Variants in FDFT1 observed in about 807,000 individuals in gnomAD.
The protein encoded by FDFT1 is farnesyl-diphosphate farnesyltransferase 1, also known as squalene synthase.
In FDFT1, 68 loss-of-function variants were observed where a neutral mutation model predicts 46.8. That is an observed-to-expected ratio of 1.45 (90% CI 1.19 to 1.78). The LOEUF (loss-of-function observed/expected upper bound fraction) is 1.78, where lower values mean the gene tolerates loss of function less well. FDFT1 is among the 40% of genes most tolerant of loss of function. FDFT1 has a pLI of 0.00. For synonymous variants in FDFT1, 351 were observed against 185.1 expected, an observed-to-expected ratio of 1.90 and a Z score of -7.28; for missense variants, 928 against 524.4, an observed-to-expected ratio of 1.77 and a Z score of -7.52.
chr8:11,827,797 CT>C (rs1235337707), intron 5 of FDFT1, among the ~76,000 whole-genome samples: 5 of 151,974 alleles, frequency 3.3e-5, no homozygotes, highest in Admixed American at 6.6e-5. Flanking sequence ...AATCTCAACA[CT>C]GGGAGACCAA....
chr8:11,814,754 A>C (rs1447616120), intron 3 of FDFT1, among the ~76,000 whole-genome samples: 1 of 152,210 alleles, frequency 6.6e-6, no homozygotes, highest in East Asian at 1.9e-4. Context: ...GTATAGCCTT[A>C]ATAGTGAGAG....
At chr8:11,811,380 TTTGAC>T (rs1420384864) in intron 3 of FDFT1, among the ~76,000 whole-genome samples, 2 of 152,222 alleles carry the variant, frequency 1.3e-5, no homozygotes, top group African/African-American at 4.8e-5. Flanking sequence ...CCAAATTACA[TTTGAC>T]TTGAGTGGAT....
chr8:11,806,409 A>C (rs568284503), intron 1 of FDFT1, among the ~76,000 whole-genome samples: 4 of 152,148 alleles, frequency 2.6e-5, no homozygotes, highest in Non-Finnish European at 4.4e-5. Context: ...TGGTGATTTG[A>C]AGAAACCTGT....
Position 11,803,634 on chromosome 8 carries a change from A to G in FDFT1, c.99+703A>G. ...GAAAATTATTCGTACGCGATTATTG[A>G]ATGAATAGACAAATTCAGCCAAGTT... On this transcript the variant is annotated intron_variant, in intron 1 of 7. Transcript: ENST00000220584. 3 of 509,452 alleles carry G rather than the reference A, an allele frequency of 5.9e-6. No individual in the cohort carries two copies. The South Asian group carries it at 7.3e-5, about 12-fold the overall frequency. The allele number at this position is 509,452 out of a possible 1,614,324, so 31.6% of individuals were successfully genotyped here.
In FDFT1 at chr8:11,838,811, G is replaced by C. The variant is rs753437328; in HGVS notation, c.*202G>C. ...AAAGGGTGCCTCATCCCAGCAACCTGTCCTTGTGGGTGATGATCACTGTGC... is the reference window on the plus strand; with the variant it reads ...AAAGGGTGCCTCATCCCAGCAACCTCTCCTTGTGGGTGATGATCACTGTGC... On this transcript the variant is annotated 3_prime_UTR_variant, in exon 8 of 8. Transcript: ENST00000220584. 28 of 578,036 alleles carry C rather than the reference G, an allele frequency of 4.8e-5. No individual in the cohort carries two copies. Among genetic ancestry groups the C allele is most frequent in the Non-Finnish European group, 1.2e-5 (4 of 323,066 alleles). 35.8% of individuals were successfully genotyped at this position (578,036 alleles called of 1,614,324 possible).
chr8:11,831,403 A>T, intron 6 of FDFT1, 115 bp from the exon 7 acceptor site: 4 of 837,344 alleles, frequency 4.8e-6, no homozygotes, highest in Non-Finnish European at 7.7e-6. Context: ...ATTCCATCTT[A>T]GTTGATTAGC....
chr8:11,823,686 C>G (rs143708991), intron 4 of FDFT1, among the ~76,000 whole-genome samples: 1 of 152,114 alleles, frequency 6.6e-6, no homozygotes, highest in East Asian at 1.9e-4. Context: ...TCCTTGCCCT[C>G]AGCCTCCTGA....
At chr8:11,832,513 T>G (rs985469682) in intron 7 of FDFT1, among the ~76,000 whole-genome samples, 2 of 134,148 alleles carry the variant, frequency 1.5e-5, no homozygotes, top group African/African-American at 5.5e-5. Context: ...GATTTCATCA[T>G]TGCACTCTAG....
At chr8:11,803,531 T>A (rs1028014801) in intron 1 of FDFT1, 1 of 1,190,056 alleles carries the variant, frequency 8.4e-7, no homozygotes, top group African/African-American at 1.6e-5. Context: ...CAGAACTTGG[T>A]TTTACTTAGA....
rs572243364 is a variant in FDFT1, at chr8:11,838,406, G to A, written c.1051G>A (p.Asp351Asn). The change falls in exon 8 of 8, where the codon GAC becomes AAC. Residue 351 changes from aspartate to asparagine, a missense_variant. Asp to Asn is a conservative substitution (Grantham distance 23). Transcript: ENST00000220584. ...TTAACAGATTTATCATAGAATCCCCGACTCAGACCCATCTTCTAGCAAAAC... is the reference window on the plus strand; with the variant it reads ...TTAACAGATTTATCATAGAATCCCCAACTCAGACCCATCTTCTAGCAAAAC... ...YMEEIYHRIP[D>N]SDPSSSKTRQ... is the part of the protein sequence containing the mutation. 6.8e-6 allele frequency: 11 copies of A among 1,613,542 alleles called. 1 individual carries two copies. Among genetic ancestry groups the A allele is most frequent in the African/African-American group, 2.7e-5 (2 of 74,984 alleles).
At chr8:11,834,310 G>A (rs540552198) in intron 7 of FDFT1, among the ~76,000 whole-genome samples, 1 of 152,328 alleles carries the variant, frequency 6.6e-6, no homozygotes, top group East Asian at 1.9e-4. Context: ...AACCAGCCTG[G>A]ATGCTTGTCA....
intron 1 of FDFT1, 170 bp from the exon 2 acceptor site, chr8:11,808,624 G>T (rs1001136698): frequency 7.2e-7 from 1 of 1,389,206 alleles, no homozygotes; most frequent in East Asian, 2.8e-5. Flanking sequence ...ACCGCCCCGC[G>T]GGGCTGCTGC....
At position 11,808,639 on chromosome 8, in the gene FDFT1, C is replaced by G. The variant is rs572324764; in HGVS notation, c.100-155C>G. 1.4e-5 allele frequency: 19 copies of G among 1,399,302 alleles called. No individual in the cohort carries two copies. In the Middle Eastern group the frequency reaches 5.7e-4, roughly 42 times the overall value. 86.7% of individuals were successfully genotyped at this position (1,399,302 alleles called of 1,614,324 possible). A position where few individuals can be genotyped will look rare whatever the true frequency, so the allele number is the denominator to read the frequency against. ...ACCGCCCCGCGGGGCTGCTGCTTGC[C>G]TCCTGCCGCCTGGCCCTGCAAGGAC... On this transcript the variant is annotated intron_variant, in intron 1 of 7. Coordinates refer to ENST00000220584, the MANE Select transcript of FDFT1 (RefSeq NM_004462.5).
At chr8:11,834,039 C>A (rs1478647737) in intron 7 of FDFT1, among the ~76,000 whole-genome samples, 3 of 152,252 alleles carry the variant, frequency 2.0e-5, no homozygotes, top group African/African-American at 7.2e-5. Context: ...TGGCCTCTTG[C>A]TGGTGTCCAG....
intron 3 of FDFT1, among the ~76,000 whole-genome samples, chr8:11,816,793 T>A (rs1270658712): frequency 6.6e-6 from 1 of 152,248 alleles, no homozygotes; most frequent in Non-Finnish European, 1.5e-5. Context: ...GTTTTCTAAA[T>A]ATACAATCAT....
intron 7 of FDFT1, 98 bp downstream of exon 7, chr8:11,831,768 A>G (rs1010677144): frequency 2.4e-5 from 24 of 1,014,172 alleles, no homozygotes; most frequent in African/African-American, 6.3e-5. Context: ...GATCCTAACA[A>G]TTCACTATCC....
upstream of FDFT1, among the ~76,000 whole-genome samples, chr8:11,799,152 T>C (rs1310419162): frequency 4.6e-5 from 7 of 152,220 alleles, no homozygotes. Context: ...TTACACCCTA[T>C]AGGTCAAAAG....
At chr8:11,823,224 G>A (rs1371749135) in intron 4 of FDFT1, among the ~76,000 whole-genome samples, 1 of 152,034 alleles carries the variant, frequency 6.6e-6, no homozygotes, top group Non-Finnish European at 1.5e-5. Context: ...TCAAATGTTG[G>A]GATTACAGGC....
intron 4 of FDFT1, among the ~76,000 whole-genome samples, chr8:11,823,189 C>G (rs1272347299): frequency 1.3e-5 from 2 of 152,136 alleles, no homozygotes; most frequent in Admixed American, 6.5e-5. Flanking sequence ...CTCCTGGCAT[C>G]AAACAGTCCT....
Sources: gnomAD v4.1 joint callset for allele counts (sites outside exome capture counted in the v4.1 genomes callset) on GRCh38, gnomAD v4.1.1 for gene constraint, MANE v1.5 for transcripts, NCBI Gene and HGNC (gene_info 2026-07-23, HGNC 2026-07-21) for gene names.